The following DACH2 variants were observed in gnomAD, a reference collection of about 807,000 sequenced individuals.
DACH2 encodes dachshund homolog 2.
In DACH2, 17 loss-of-function variants were observed where a neutral mutation model predicts 35.8. The ratio of observed to expected loss-of-function variants is 0.48; its 90% CI spans 0.33 to 0.71. The LOEUF is 0.71. DACH2 is among the 30% of genes least tolerant of loss of function. DACH2 has a pLI of 0.02. For missense variants in DACH2, 469 were observed against 472.7 expected, an observed-to-expected ratio of 0.99 and a Z score of 0.07; for synonymous variants, 195 against 177.3, an observed-to-expected ratio of 1.10 and a Z score of -0.79.
At chrX:86,149,941 C>A (rs753643380) in intron 1 of DACH2, among the ~76,000 whole-genome samples, 1 of 111,438 alleles carries the variant, frequency 9.0e-6, no homozygotes, top group Non-Finnish European at 1.9e-5. Flanking sequence ...CTCTTCCAGG[C>A]GAACAGTTGG....
intron 2 of DACH2, among the ~76,000 whole-genome samples, chrX:86,487,110 G>A (rs2038029811): frequency 9.0e-6 from 1 of 111,406 alleles, no homozygotes. Flanking sequence ...TTAAAGTAGA[G>A]ATCAGTATGC....
chrX:86,306,550 C>A (rs965379689), intron 1 of DACH2, among the ~76,000 whole-genome samples: 7 of 111,429 alleles, frequency 6.3e-5, no homozygotes, highest in Admixed American at 2.9e-4. Context: ...ATCTGGTGGG[C>A]AAAATCTAAT....
At chrX:86,261,864 G>T (rs2033631802) in intron 1 of DACH2, among the ~76,000 whole-genome samples, 1 of 111,216 alleles carries the variant, frequency 9.0e-6, no homozygotes, top group Non-Finnish European at 1.9e-5. Flanking sequence ...CTTGCATATG[G>T]AGGGAAATTG....
chrX:86,829,521 A>C (rs1209667560), intron 11 of DACH2: 1 of 111,797 alleles, frequency 8.9e-6, no homozygotes, highest in Admixed American at 9.5e-5. Flanking sequence ...TGCCTTGTTT[A>C]TGATACATGA....
At chrX:86,545,206 G>A (rs1188853665) in intron 3 of DACH2, among the ~76,000 whole-genome samples, 1 of 112,114 alleles carries the variant, frequency 8.9e-6, no homozygotes, top group Non-Finnish European at 1.9e-5. Flanking sequence ...TATACATCAT[G>A]GAATACTACA....
At chrX:86,528,726 G>C (rs1331014271) in intron 3 of DACH2, among the ~76,000 whole-genome samples, 1 of 112,190 alleles carries the variant, frequency 8.9e-6, no homozygotes, top group Non-Finnish European at 1.9e-5. Flanking sequence ...TATTTTCACA[G>C]TGTAACCACT....
chrX:86,178,600 A>G (rs917708130), intron 1 of DACH2, among the ~76,000 whole-genome samples: 17 of 111,244 alleles, frequency 1.5e-4, no homozygotes, highest in African/African-American at 5.2e-4. Flanking sequence ...ACATACCCCT[A>G]AATAGAAGCC....
chrX:86,273,433 C>T (rs1418236137), intron 1 of DACH2, among the ~76,000 whole-genome samples: 2 of 111,862 alleles, frequency 1.8e-5, no homozygotes, highest in African/African-American at 6.5e-5. Flanking sequence ...CTGTTTAGCA[C>T]ACTTGCATTG....
Position 86,148,456 on chromosome X carries a change from T to G in DACH2, c.-165T>G. The stretch of plus-strand genomic sequence containing the variant: ...GCAGCGGGTCGGGGCTGCTCACTGT[T>G]TGTTGAGCTTGAGCGTGAGCCGGCT... On this transcript the variant is annotated 5_prime_UTR_variant, in exon 1 of 12. Coordinates refer to ENST00000373125, the MANE Select transcript of DACH2 (RefSeq NM_053281.3). 5.5e-6 allele frequency: 3 copies of G among 546,206 alleles called. No homozygotes were observed. The highest frequency in any genetic ancestry group is 5.6e-6 in the Non-Finnish European group (2 of 354,656). 45.0% of individuals were successfully genotyped at this position (546,206 alleles called of 1,213,427 possible).
At chrX:86,293,394 C>G (rs1447073302) in intron 1 of DACH2, among the ~76,000 whole-genome samples, 1 of 108,342 alleles carries the variant, frequency 9.2e-6, no homozygotes, top group Non-Finnish European at 1.9e-5. Context: ...CAGTCAATGC[C>G]TTTTAATTGG....
Position 86,228,614 on chromosome X carries a change from C to T in DACH2, c.488+79506C>T, listed in dbSNP as rs752708503. Among the ~76,000 whole-genome samples the T allele has an allele frequency of 1.2e-3, 136 of 111,154 alleles. 1 individual carries two copies. The highest frequency in any genetic ancestry group is 3.9e-3 in the African/African-American group (119 of 30,660). ...AAGTGTTCCCTGATCATCGCATCTA[C>T]GCCAACATCTACTGTTTTTTGATTC... On this transcript the variant is annotated intron_variant, in intron 1 of 11. Coordinates refer to ENST00000373125, the MANE Select transcript of DACH2 (RefSeq NM_053281.3).
chrX:86,356,313 G>T (rs758438566), intron 1 of DACH2, among the ~76,000 whole-genome samples: 3 of 111,455 alleles, frequency 2.7e-5, no homozygotes, highest in African/African-American at 9.8e-5. Flanking sequence ...GTTTGTTTTT[G>T]TTAGGTTTGT....
At chrX:86,634,985 GAGA>G (rs1216134297) in intron 3 of DACH2, among the ~76,000 whole-genome samples, 2 of 111,029 alleles carry the variant, frequency 1.8e-5, no homozygotes, top group African/African-American at 6.5e-5. Flanking sequence ...CCAAAAAATT[GAGA>G]AGGAGGGACT....
chrX:86,768,097 T>A (rs1391927188), intron 7 of DACH2, among the ~76,000 whole-genome samples: 1 of 111,473 alleles, frequency 9.0e-6, no homozygotes, highest in Non-Finnish European at 1.9e-5. Context: ...GGTTTAATAA[T>A]ATATCTCACA....
chrX:86,412,946 T>C (rs757554579), intron 2 of DACH2, among the ~76,000 whole-genome samples: 119 of 111,315 alleles, frequency 1.1e-3, no homozygotes, highest in African/African-American at 3.7e-3. Flanking sequence ...AAATGAGAAA[T>C]GTGTTGTCTC....
intron 1 of DACH2, among the ~76,000 whole-genome samples, chrX:86,347,951 T>A (rs1412261633): frequency 1.8e-5 from 2 of 112,245 alleles, no homozygotes; most frequent in African/African-American, 6.5e-5. Flanking sequence ...TTGCTTCCAG[T>A]TGTTAAGTAT....
At chrX:86,254,777 AATAAAT>A (rs1255891739) in intron 1 of DACH2, among the ~76,000 whole-genome samples, 18 of 14,226 alleles carry the variant, frequency 1.3e-3, no homozygotes, top group East Asian at 9.2e-3. Context: ...TATTCAAATA[AATAAAT>A]ATATATATAT....
intron 11 of DACH2, among the ~76,000 whole-genome samples, chrX:86,819,990 G>C (rs1410509802): frequency 1.8e-5 from 2 of 111,557 alleles, no homozygotes; most frequent in African/African-American, 6.5e-5. Context: ...AAAAAATGAA[G>C]TTAACATCTT....
At chrX:86,625,783 G>C (rs1220497543) in intron 3 of DACH2, among the ~76,000 whole-genome samples, 1 of 110,937 alleles carries the variant, frequency 9.0e-6, no homozygotes, top group Admixed American at 9.6e-5. Context: ...ATCAGATCTC[G>C]TAAGACTTAT....
Sources: gnomAD v4.1 joint callset for allele counts (sites outside exome capture counted in the v4.1 genomes callset) on GRCh38, gnomAD v4.1.1 for gene constraint, MANE v1.5 for transcripts, NCBI Gene and HGNC (gene_info 2026-07-23, HGNC 2026-07-21) for gene names.